Variants in MYO16 observed in about 807,000 individuals in gnomAD.
MYO16 encodes the protein myosin XVI.
Under a neutral mutation model 205.3 loss-of-function variants are expected in MYO16, and 94 were observed. The observed-to-expected ratio is 0.46, with a 90% CI of 0.39 to 0.54. The LOEUF (loss-of-function observed/expected upper bound fraction) is 0.54, where lower values mean the gene tolerates loss of function less well. MYO16 is among the 20% of genes least tolerant of loss of function. MYO16 has a pLI of 0.00. For missense variants in MYO16, 2,315 were observed against 2,387.5 expected (o/e 0.97, Z 0.63); for synonymous variants, 988 against 954.0 (o/e 1.04, Z -0.66).
In MYO16 at chr13:109,177,760, G is replaced by A. The variant is rs544727369; in HGVS notation, c.5324-1782G>A. The stretch of plus-strand genomic sequence containing the variant: ...TCGATCTCCTGACCTCAGGTGATCC[G>A]CCACCTTAGCCTCCCAAAGTACTGG... On this transcript the variant is annotated intron_variant, in intron 33 of 34. Transcript: ENST00000457511. 5.8e-4 allele frequency among the ~76,000 whole-genome samples: 88 copies of A among 152,198 alleles called. 1 individual carries two copies. Among genetic ancestry groups the A allele is most frequent in the African/African-American group, 1.7e-3 (71 of 41,538 alleles).
chr13:109,039,405 G>A (rs1886814253), intron 23 of MYO16, among the ~76,000 whole-genome samples: 1 of 152,058 alleles, frequency 6.6e-6, no homozygotes, highest in Admixed American at 6.5e-5. Flanking sequence ...TATTCTTTTC[G>A]AGTACCCATG....
At chr13:109,014,280 T>G (rs1210250473) in intron 22 of MYO16, among the ~76,000 whole-genome samples, 2 of 152,164 alleles carry the variant, frequency 1.3e-5, no homozygotes, top group Admixed American at 1.3e-4. Flanking sequence ...TGGTTGTAAA[T>G]GTGTGGTGTT....
intron 4 of MYO16, among the ~76,000 whole-genome samples, chr13:108,762,493 TCAC>T (rs1458447435): frequency 2.0e-5 from 3 of 152,172 alleles, no homozygotes; most frequent in African/African-American, 7.2e-5. Context: ...CTCTGCATCT[TCAC>T]CAACATTTTT....
In MYO16 at chr13:109,001,559, A is replaced by C. The variant is rs1885213208; in HGVS notation, c.2443-7338A>C. On this transcript the variant is annotated intron_variant, in intron 21 of 34. Coordinates refer to ENST00000457511, the MANE Select transcript of MYO16 (RefSeq NM_001198950.3). ...ACAATTATAGATTCTGAGAAGACAA[A>C]ATAAACTAGACTTTTAAAACTGAAG... Among the ~76,000 whole-genome samples, 4 of 152,182 alleles carry C rather than the reference A, an allele frequency of 2.6e-5. No homozygotes were observed. In the South Asian group the frequency reaches 8.3e-4, roughly 32 times the overall value.
intron 2 of MYO16, among the ~76,000 whole-genome samples, chr13:108,669,353 A>G (rs1026656183): frequency 3.3e-5 from 5 of 152,094 alleles, no homozygotes; most frequent in African/African-American, 1.2e-4. Flanking sequence ...ACTTGTTGGG[A>G]GCAAGAATTT....
At chr13:109,106,238 A>G (rs1449702718) in intron 28 of MYO16, among the ~76,000 whole-genome samples, 1 of 152,216 alleles carries the variant, frequency 6.6e-6, no homozygotes, top group Non-Finnish European at 1.5e-5. Flanking sequence ...TGGTTTGAAA[A>G]CAAGTTAAAT....
At chr13:108,913,214 C>T (rs1881344401) in intron 16 of MYO16, among the ~76,000 whole-genome samples, 1 of 152,142 alleles carries the variant, frequency 6.6e-6, no homozygotes, top group South Asian at 2.1e-4. Flanking sequence ...TGCAAAACAA[C>T]ATTTTCCATG....
intron 28 of MYO16, among the ~76,000 whole-genome samples, chr13:109,104,253 G>A (rs1889057204): frequency 6.6e-6 from 1 of 152,168 alleles, no homozygotes; most frequent in Admixed American, 6.5e-5. Flanking sequence ...ACAGGACTTG[G>A]AAGGGGTAGA....
chr13:108,798,401 T>A (rs1291341626), intron 6 of MYO16, among the ~76,000 whole-genome samples: 1 of 152,220 alleles, frequency 6.6e-6, no homozygotes, highest in East Asian at 1.9e-4. Context: ...GAGTTGCCTT[T>A]ACCTTCTTTA....
chr13:108,685,876 T>G (rs1438214208), intron 2 of MYO16, among the ~76,000 whole-genome samples: 3 of 152,220 alleles, frequency 2.0e-5, no homozygotes, highest in Non-Finnish European at 2.9e-5. Context: ...CCTAACCTCC[T>G]TATTTGTGAG....
At chr13:108,860,910 C>T (rs1029182646) in intron 11 of MYO16, among the ~76,000 whole-genome samples, 1 of 152,184 alleles carries the variant, frequency 6.6e-6, no homozygotes, top group Non-Finnish European at 1.5e-5. Context: ...AATTCACTCA[C>T]AATCTGCTTT....
At chr13:108,931,300 C>A (rs9559448) in intron 16 of MYO16, among the ~76,000 whole-genome samples, 4 of 152,342 alleles carry the variant, frequency 2.6e-5, no homozygotes, top group Admixed American at 6.5e-5. Flanking sequence ...CAGAAGCCTT[C>A]TGCCCTCCAA....
chr13:108,542,168 G>C, the MYO16 span, among the ~76,000 whole-genome samples: 3 of 152,114 alleles, frequency 2.0e-5, no homozygotes, highest in African/African-American at 7.2e-5. Context: ...GCCATTTGCA[G>C]GAATGTGGAT....
At chr13:109,081,179 A>C (rs1417996425) in intron 27 of MYO16, among the ~76,000 whole-genome samples, 1 of 152,226 alleles carries the variant, frequency 6.6e-6, no homozygotes, top group Non-Finnish European at 1.5e-5. Flanking sequence ...TAAATTCTTC[A>C]TATGAAGCTA....
chr13:108,771,094 G>T (rs1885947550), intron 4 of MYO16, among the ~76,000 whole-genome samples: 1 of 152,098 alleles, frequency 6.6e-6, no homozygotes, highest in Admixed American at 6.6e-5. Context: ...ACTATAAAGG[G>T]GAGGACTATA....
chr13:108,948,953 A>C (rs555102912), intron 16 of MYO16, among the ~76,000 whole-genome samples: 1 of 152,236 alleles, frequency 6.6e-6, no homozygotes, highest in Non-Finnish European at 1.5e-5. Context: ...TGGAAGACAT[A>C]GCATCAGCCT....
chr13:109,043,335 T>C (rs1407855517), intron 23 of MYO16, among the ~76,000 whole-genome samples: 2 of 152,086 alleles, frequency 1.3e-5, no homozygotes, highest in African/African-American at 4.8e-5. Context: ...AACAAGCCCA[T>C]AGCATGAACA....
chr13:108,598,859 T>A (rs1380658693), intron 1 of MYO16, among the ~76,000 whole-genome samples: 15 of 148,904 alleles, frequency 1.0e-4, no homozygotes, highest in Admixed American at 8.8e-4. Context: ...CTTTTTTTTT[T>A]ATTATACTTT....
chr13:109,152,623 G>A (rs554063405), intron 32 of MYO16, among the ~76,000 whole-genome samples: 1 of 152,336 alleles, frequency 6.6e-6, no homozygotes, highest in East Asian at 1.9e-4. Flanking sequence ...ATGTGGCACA[G>A]CTGCTAATCG....
Sources: allele counts gnomAD v4.1 joint callset (sites outside exome capture counted in the v4.1 genomes callset), GRCh38; gene constraint gnomAD v4.1.1; transcripts MANE v1.5; gene names NCBI Gene and HGNC (gene_info 2026-07-23, HGNC 2026-07-21).